The following EIF4G3 variants were observed in gnomAD, a reference collection of about 807,000 sequenced individuals.
EIF4G3 encodes the protein eIF-4-gamma 3.
A neutral mutation model predicts 186.4 loss-of-function variants in EIF4G3; 34 were observed. The ratio of observed to expected loss-of-function variants is 0.18; its 90% CI spans 0.14 to 0.24. The LOEUF is 0.24. Among genes scored for constraint, EIF4G3 ranks in the 10% least tolerant of loss-of-function variants. EIF4G3 has a pLI of 1.00. For missense variants in EIF4G3, 1,536 were observed against 1,948.5 expected, an observed-to-expected ratio of 0.79 and a Z score of 3.99; for synonymous variants, 673 against 679.5, an observed-to-expected ratio of 0.99 and a Z score of 0.15.
chr1:20,827,525 C>T, intron 32 of EIF4G3, 92 bp downstream of exon 32: 1 of 671,404 alleles, frequency 1.5e-6, no homozygotes, highest in Non-Finnish European at 2.5e-6. Context: ...TACTTGCACC[C>T]TGAGACCTAA....
At chr1:21,006,906 A>C (rs2085246349) in intron 4 of EIF4G3, among the ~76,000 whole-genome samples, 1 of 152,208 alleles carries the variant, frequency 6.6e-6, no homozygotes, top group Non-Finnish European at 1.5e-5. Context: ...AACATAAAAC[A>C]TTTATACAGC....
chr1:21,126,231 T>TAA (rs748125235), intron 2 of EIF4G3, among the ~76,000 whole-genome samples: 4 of 118,384 alleles, frequency 3.4e-5, no homozygotes, highest in African/African-American at 1.3e-4. Context: ...AAATTAAAAT[T>TAA]AAAAAAAAAA....
intron 3 of EIF4G3, among the ~76,000 whole-genome samples, chr1:21,075,916 C>T (rs969555897): frequency 3.3e-5 from 5 of 152,088 alleles, no homozygotes; most frequent in African/African-American, 1.2e-4. Flanking sequence ...TTAAATATCC[C>T]ACTCTCAGCA....
At chr1:21,073,725 A>G (rs7521711) in intron 3 of EIF4G3, 221,545 of 491,170 alleles carry the variant, frequency 0.45, 50,644 homozygotes, top group Non-Finnish European at 0.49. Flanking sequence ...TTTGTTAGAG[A>G]CTGTATTGTA....
chr1:21,048,670 T>A (rs964466), intron 4 of EIF4G3, among the ~76,000 whole-genome samples: 1 of 151,774 alleles, frequency 6.6e-6, no homozygotes, highest in African/African-American at 2.4e-5. Flanking sequence ...CTAAGAAACC[T>A]CCCTGCGAAC....
chr1:20,905,307 T>C (rs1317993568), intron 14 of EIF4G3, among the ~76,000 whole-genome samples: 2 of 152,318 alleles, frequency 1.3e-5, no homozygotes, highest in African/African-American at 2.4e-5. Context: ...CTTCTATTCA[T>C]CAACTATGTG....
intron 4 of EIF4G3, among the ~76,000 whole-genome samples, chr1:21,016,861 C>A (rs963509640): frequency 6.6e-6 from 1 of 151,310 alleles, no homozygotes; most frequent in East Asian, 2.0e-4. Flanking sequence ...CCTAGCTACT[C>A]GGGGGCCTGA....
chr1:20,923,072 A>AAGT (rs2094593582), intron 14 of EIF4G3, among the ~76,000 whole-genome samples: 1 of 152,170 alleles, frequency 6.6e-6, no homozygotes, highest in East Asian at 1.9e-4. Context: ...GAACTGAAAC[A>AAGT]CAGATCTAAC....
rs777487330 is a variant in EIF4G3, at chr1:20,817,519, G to C, written c.4388C>G (p.Ser1463Cys). Reference sequence around the variant, plus strand: ...TGCTTCAGAGGAACAGGGACTGTCAGACTCTATGAAGTCCAACTTCTGAAA... The same window carrying C: ...TGCTTCAGAGGAACAGGGACTGTCACACTCTATGAAGTCCAACTTCTGAAA... Reference protein sequence around the residue: ...LLEQKLDFIESDSPCSSEALS... With the variant: ...LLEQKLDFIECDSPCSSEALS... Residue 1463 changes from serine (S) to cysteine (C), a missense_variant, in exon 34 of 37, where the codon TCT becomes TGT. By Grantham distance (112) the Ser-to-Cys change is moderately radical (BLOSUM62 -1). Transcript: ENST00000602326. 16 of 1,600,244 alleles carry C rather than the reference G, an allele frequency of 1.0e-5. No homozygotes were observed. The African/African-American group carries it at 1.3e-4, about 13-fold the overall frequency.
At chr1:21,161,233 A>G (rs1014436459) in intron 2 of EIF4G3, among the ~76,000 whole-genome samples, 2 of 151,592 alleles carry the variant, frequency 1.3e-5, no homozygotes, top group African/African-American at 4.9e-5. Context: ...GCCTGGCACA[A>G]TGGCTCATGC....
chr1:21,072,250 C>T (rs1166181290), intron 3 of EIF4G3, among the ~76,000 whole-genome samples: 4 of 152,276 alleles, frequency 2.6e-5, no homozygotes, highest in African/African-American at 9.6e-5. Context: ...AGCAACACCA[C>T]TGGCTGGGTG....
At chr1:21,116,857 A>T (rs982862139) in intron 2 of EIF4G3, among the ~76,000 whole-genome samples, 44 of 151,670 alleles carry the variant, frequency 2.9e-4, no homozygotes, top group South Asian at 6.3e-4. Context: ...AAAAAAAAGC[A>T]AATACAACAA....
chr1:20,891,324 A>AT (rs2085950792), intron 18 of EIF4G3, among the ~76,000 whole-genome samples: 2 of 152,214 alleles, frequency 1.3e-5, no homozygotes, highest in South Asian at 4.1e-4. Context: ...GGGCAATATG[A>AT]TAATAACCAC....
At chr1:20,817,352 T>A in intron 34 of EIF4G3, 40 bp downstream of exon 34, 2 of 1,392,682 alleles carry the variant, frequency 1.4e-6, no homozygotes, top group African/African-American at 2.9e-5. Flanking sequence ...CAAGAATCTT[T>A]CCTGTAGAGG....
At chr1:21,089,259 AAT>A (rs755908299) in intron 2 of EIF4G3, 46 bp from the exon 3 acceptor site, 18 of 710,168 alleles carry the variant, frequency 2.5e-5, no homozygotes, top group Non-Finnish European at 4.2e-5. Context: ...ATGGATGCTT[AAT>A]AGTTAGAGAA....
Position 20,922,696 on chromosome 1 carries a change from T to C in EIF4G3, c.1664-17725A>G, listed in dbSNP as rs79305907. 2.2e-3 allele frequency among the ~76,000 whole-genome samples: 342 copies of C among 152,318 alleles called. 8 individuals carry two copies. The East Asian group carries it at 0.024, about 11-fold the overall frequency. On this transcript the variant is annotated intron_variant, in intron 14 of 36. Coordinates refer to ENST00000602326, the MANE Select transcript of EIF4G3 (RefSeq NM_001391906.1). The stretch of plus-strand genomic sequence containing the variant: ...ACCTTTTGGTCAACATCAGGCCCAT[T>C]TACTGCTCTACAGTTTCAACATTTT...
Position 21,050,894 on chromosome 1 carries a change from C to T in EIF4G3, c.-95G>A, listed in dbSNP as rs2094173520. ...AGAGAGTCCAGGGGACGATGCATGT[C>T]CCGGGGGCGTTGCCGCAAGATTTGG... On this transcript the variant is annotated 5_prime_UTR_variant, in exon 4 of 37. Coordinates refer to ENST00000602326, the MANE Select transcript of EIF4G3 (RefSeq NM_001391906.1). 1 of 713,584 alleles carries T rather than the reference C, an allele frequency of 1.4e-6. No homozygotes were observed. The highest frequency in any genetic ancestry group is 1.5e-5 in the South Asian group (1 of 66,684). The allele number at this position is 713,584 out of a possible 1,614,324, so 44.2% of individuals were successfully genotyped here.
intron 2 of EIF4G3, among the ~76,000 whole-genome samples, chr1:21,127,272 T>G (rs2097063722): frequency 6.6e-6 from 1 of 152,194 alleles, no homozygotes; most frequent in Non-Finnish European, 1.5e-5. Flanking sequence ...CTACCATGCC[T>G]GGCCTCCTTT....
chr1:21,139,264 C>T (rs2097298988), intron 2 of EIF4G3, among the ~76,000 whole-genome samples: 1 of 152,080 alleles, frequency 6.6e-6, no homozygotes, highest in African/African-American at 2.4e-5. Context: ...GAGAAATAAT[C>T]AACTTATTTC....
Sources: gnomAD v4.1 joint callset for allele counts (sites outside exome capture counted in the v4.1 genomes callset) on GRCh38, gnomAD v4.1.1 for gene constraint, MANE v1.5 for transcripts, NCBI Gene and HGNC (gene_info 2026-07-23, HGNC 2026-07-21) for gene names.